LRFN5: variants seen among roughly 807,000 people sequenced by gnomAD.
The protein encoded by LRFN5 is leucine-rich repeat and fibronectin type-III domain-containing protein 5.
Under a neutral mutation model 45.6 loss-of-function variants are expected in LRFN5, and 24 were observed. That is an observed-to-expected ratio of 0.53 (90% CI 0.38 to 0.74). LRFN5 has a LOEUF of 0.74. Among genes scored for constraint, LRFN5 ranks in the 30% least tolerant of loss-of-function variants. The probability of loss-of-function intolerance (pLI) is 0.00; values close to 1 mark genes in which losing one functional copy is unlikely to be tolerated. For synonymous variants in LRFN5, 340 were observed against 313.8 expected (o/e 1.08, Z -0.88); for missense variants, 776 against 861.5 (o/e 0.90, Z 1.24).
intron 2 of LRFN5, among the ~76,000 whole-genome samples, chr14:41,797,887 A>T (rs921285389): frequency 1.6e-4 from 24 of 151,914 alleles, no homozygotes; most frequent in African/African-American, 5.1e-4. Context: ...TGAATTTTTT[A>T]ATGTTTGGAT....
At chr14:41,752,155 A>T (rs559691796) in intron 1 of LRFN5, among the ~76,000 whole-genome samples, 5 of 152,292 alleles carry the variant, frequency 3.3e-5, no homozygotes, top group East Asian at 1.9e-4. Flanking sequence ...TTCTTAATCC[A>T]GTCTATCATT....
intron 2 of LRFN5, among the ~76,000 whole-genome samples, chr14:41,851,107 G>A (rs1889250165): frequency 1.3e-5 from 2 of 151,582 alleles, no homozygotes; most frequent in South Asian, 2.1e-4. Flanking sequence ...TTCATTGGTA[G>A]CAATATTGTA....
chr14:41,834,190 G>A (rs770397976), intron 2 of LRFN5, among the ~76,000 whole-genome samples: 3 of 152,078 alleles, frequency 2.0e-5, no homozygotes, highest in African/African-American at 4.8e-5. Context: ...TTGCATTCAG[G>A]GAACCTCAGT....
intron 2 of LRFN5, among the ~76,000 whole-genome samples, chr14:41,821,068 T>C (rs1272603372): frequency 6.6e-6 from 1 of 152,060 alleles, no homozygotes; most frequent in Non-Finnish European, 1.5e-5. Flanking sequence ...TAGAGACAAA[T>C]TGAGTTCCTC....
At chr14:41,611,971 G>A (rs1471473757) in intron 1 of LRFN5, among the ~76,000 whole-genome samples, 3 of 152,048 alleles carry the variant, frequency 2.0e-5, no homozygotes, top group Non-Finnish European at 4.4e-5. Context: ...TCTAGTTATG[G>A]CATTGGTGTT....
intron 2 of LRFN5, among the ~76,000 whole-genome samples, chr14:41,857,669 A>G (rs372859133): frequency 1.2e-3 from 185 of 152,326 alleles, no homozygotes; most frequent in African/African-American, 4.2e-3. Flanking sequence ...CATAATACAC[A>G]TACTCTGGAC....
chr14:41,658,912 A>G (rs938010133), intron 1 of LRFN5, among the ~76,000 whole-genome samples: 6 of 151,910 alleles, frequency 3.9e-5, no homozygotes, highest in Non-Finnish European at 8.8e-5. Flanking sequence ...AGTTTCACTT[A>G]CTTAACTCAT....
intron 2 of LRFN5, among the ~76,000 whole-genome samples, chr14:41,844,427 A>G (rs936129523): frequency 1.7e-5 from 2 of 117,132 alleles, no homozygotes; most frequent in African/African-American, 7.0e-5. Context: ...ACAGAGCAAG[A>G]CTCCGTCTCA....
At chr14:41,630,339 T>G (rs1017218252) in intron 1 of LRFN5, among the ~76,000 whole-genome samples, 1 of 152,194 alleles carries the variant, frequency 6.6e-6, no homozygotes, top group Non-Finnish European at 1.5e-5. Context: ...AATTGGCAGT[T>G]GGATCATGTA....
intron 2 of LRFN5, among the ~76,000 whole-genome samples, chr14:41,812,536 T>C (rs545915227): frequency 1.6e-4 from 24 of 151,984 alleles, no homozygotes; most frequent in African/African-American, 5.5e-4. Flanking sequence ...CAATTATATA[T>C]ACAAAGGCAC....
At chr14:41,899,018 T>G in intron 5 of LRFN5, 58 bp downstream of exon 5, 4 of 1,343,892 alleles carry the variant, frequency 3.0e-6, no homozygotes, top group Non-Finnish European at 4.1e-6. Context: ...ACACTTTTTA[T>G]AAATTAACTT....
At position 41,817,762 on chromosome 14, in the gene LRFN5, C is replaced by A. The variant is rs28650052; in HGVS notation, c.-21+50733C>A. On this transcript the variant is annotated intron_variant, in intron 2 of 5. Transcript: ENST00000298119. ...TTACTATGAGAACCTAGATAAACTC[C>A]GGGGGGTAAAATACAAAAGGGTAAG... 2.0e-5 allele frequency among the ~76,000 whole-genome samples: 3 copies of A among 152,002 alleles called. 1 individual carries two copies. Among genetic ancestry groups the A allele is most frequent in the Non-Finnish European group, 4.4e-5 (3 of 67,990 alleles).
intron 4 of LRFN5, chr14:41,895,110 C>CT: frequency 1.1e-6 from 1 of 943,390 alleles, no homozygotes; most frequent in Non-Finnish European, 1.3e-6. Flanking sequence ...TTACTTCAAA[C>CT]TTTTTTTAAA....
At chr14:41,737,360 T>A (rs1405242144) in intron 1 of LRFN5, among the ~76,000 whole-genome samples, 1 of 152,140 alleles carries the variant, frequency 6.6e-6, no homozygotes, top group African/African-American at 2.4e-5. Flanking sequence ...CTTAAAATAG[T>A]AAGAGCTATT....
chr14:41,804,386 G>A (rs973210877), intron 2 of LRFN5, among the ~76,000 whole-genome samples: 8 of 152,090 alleles, frequency 5.3e-5, no homozygotes, highest in African/African-American at 1.9e-4. Context: ...CATCAGAAAT[G>A]CAAAAGCCTG....
intron 2 of LRFN5, among the ~76,000 whole-genome samples, chr14:41,776,130 T>C (rs1886287160): frequency 6.6e-6 from 1 of 152,180 alleles, no homozygotes; most frequent in Non-Finnish European, 1.5e-5. Flanking sequence ...ATGTTACTCT[T>C]TTGAAAGTTA....
At chr14:41,896,053 A>G (rs1222380242) in intron 4 of LRFN5, among the ~76,000 whole-genome samples, 1 of 152,148 alleles carries the variant, frequency 6.6e-6, no homozygotes, top group Non-Finnish European at 1.5e-5. Flanking sequence ...AAGAAAATAT[A>G]TCATTTATAA....
At position 41,738,691 on chromosome 14, in the gene LRFN5, C is replaced by A. The variant is rs147556519; in HGVS notation, c.-196-28163C>A. 5.9e-5 allele frequency among the ~76,000 whole-genome samples: 9 copies of A among 152,308 alleles called. No individual in the cohort carries two copies. The East Asian group carries it at 1.7e-3, about 29-fold the overall frequency. ...ACATTAAGTAGCTTTCGTCTGATAGCTTTCAGAGTCCAGATTGCTCATCAT... is the reference window on the plus strand; with the variant it reads ...ACATTAAGTAGCTTTCGTCTGATAGATTTCAGAGTCCAGATTGCTCATCAT... On this transcript the variant is annotated intron_variant, in intron 1 of 5. Coordinates refer to ENST00000298119, the MANE Select transcript of LRFN5 (RefSeq NM_152447.5).
chr14:41,666,415 A>G (rs773738511), intron 1 of LRFN5, among the ~76,000 whole-genome samples: 12 of 152,080 alleles, frequency 7.9e-5, no homozygotes, highest in Non-Finnish European at 1.6e-4. Flanking sequence ...ACTGGGCCAC[A>G]CTACTCAGCA....
Sources: allele counts gnomAD v4.1 joint callset (sites outside exome capture counted in the v4.1 genomes callset), GRCh38; gene constraint gnomAD v4.1.1; transcripts MANE v1.5; gene names NCBI Gene and HGNC (gene_info 2026-07-23, HGNC 2026-07-21).